The following SNX11 variants were observed in gnomAD, a reference collection of about 807,000 sequenced individuals.
The protein encoded by SNX11 is sorting nexin-11.
In SNX11, 19 loss-of-function variants were observed where a neutral mutation model predicts 30.7. The observed-to-expected ratio is 0.62, with a 90% CI of 0.43 to 0.91. The LOEUF is 0.91. Among genes scored for constraint, SNX11 ranks in the 40% least tolerant of loss-of-function variants. The pLI is 0.00. For missense variants in SNX11, 302 were observed against 326.7 expected (o/e 0.92, Z 0.58); for synonymous variants, 112 against 119.0 (o/e 0.94, Z 0.38).
chr17:48,115,138 T>A (rs1000662923), intron 4 of SNX11, among the ~76,000 whole-genome samples: 12 of 148,478 alleles, frequency 8.1e-5, no homozygotes, highest in Non-Finnish European at 1.5e-4. Context: ...CTCGGCTCAC[T>A]GCTACCTCAG....
chr17:48,113,235 A>G, intron 3 of SNX11, 66 bp from the exon 4 acceptor site: 1 of 1,267,950 alleles, frequency 7.9e-7, no homozygotes, highest in South Asian at 1.2e-5. Context: ...AATGATAGGG[A>G]GCTCATGTGA....
intron 4 of SNX11, among the ~76,000 whole-genome samples, chr17:48,114,107 C>T (rs967425123): frequency 2.7e-5 from 4 of 150,288 alleles, no homozygotes; most frequent in East Asian, 2.0e-4. Context: ...CCACCTGTCT[C>T]GGCCTCCCAA....
At chr17:48,117,211 ACGCCTGG>A (rs1031528536) in intron 4 of SNX11, among the ~76,000 whole-genome samples, 2 of 146,380 alleles carry the variant, frequency 1.4e-5, no homozygotes, top group African/African-American at 5.1e-5. Flanking sequence ...ATGTGCCACC[ACGCCTGG>A]CTAATTATGT....
rs751061507 is a variant in SNX11 at position 48,118,768 on chromosome 17, C to T, written c.295C>T (p.Arg99Ter). 5 of 1,614,000 alleles carry T rather than the reference C, an allele frequency of 3.1e-6. No individual in the cohort carries two copies. Among genetic ancestry groups the T allele is most frequent in the South Asian group, 1.1e-5 (1 of 91,076 alleles). The change falls in exon 5 of 7, where the codon CGA (arginine) becomes TGA (stop). Residue 99 changes from arginine (R) to a stop codon, truncating the protein, a stop_gained. Coordinates refer to ENST00000359238, the MANE Select transcript of SNX11 (RefSeq NM_013323.3). LOFTEE classifies it high-confidence loss of function. Reference sequence around the variant, plus strand: ...CACCTCAGATGAGTTCATTGAGAAGCGACGACAAGGTCTGCAGCACTTCCT... The same window carrying T: ...CACCTCAGATGAGTTCATTGAGAAGTGACGACAAGGTCTGCAGCACTTCCT... ...FGTSDEFIEK[R>*]RQGLQHFLEK...
At chr17:48,117,388 G>T in intron 4 of SNX11, among the ~76,000 whole-genome samples, 1 of 151,884 alleles carries the variant, frequency 6.6e-6, no homozygotes, top group Non-Finnish European at 1.5e-5. Context: ...CCGAGTAGTT[G>T]GGACTACAGG....
chr17:48,121,478 T>G lies in SNX11; in HGVS notation c.783T>G (p.Pro261=). Residue 261 remains proline, a synonymous_variant, in exon 7 of 7, where the codon CCT becomes CCG. Transcript: ENST00000359238. The part of the protein sequence containing the change: ...VGGDHAVPLD[P]GQLETVLEK ...GAGATCATGCTGTGCCTTTGGACCCTGGTCAGTTAGAAACAGTTTTGGAAA... is the reference window on the plus strand; with the variant it reads ...GAGATCATGCTGTGCCTTTGGACCCGGGTCAGTTAGAAACAGTTTTGGAAA... 1.2e-6 allele frequency: 2 copies of G among 1,613,904 alleles called. No homozygotes were observed. Among genetic ancestry groups the G allele is most frequent in the South Asian group, 2.2e-5 (2 of 91,062 alleles).
chr17:48,114,168 CTTT>C (rs34702745), intron 4 of SNX11, among the ~76,000 whole-genome samples: 23 of 126,234 alleles, frequency 1.8e-4, no homozygotes, highest in Non-Finnish European at 1.8e-4. Flanking sequence ...GAAATATGTT[CTTT>C]TTTTTTTTTT....
In SNX11 at chr17:48,118,811, G is replaced by A. The variant is rs1210345386; in HGVS notation, c.326+12G>A. On this transcript the variant is annotated intron_variant, in intron 5 of 6. Coordinates refer to ENST00000359238, the MANE Select transcript of SNX11 (RefSeq NM_013323.3). ...CACTTCCTTGAAAAGTGAGTGGACA[G>A]AACGGCTGGTGCTGGCCACCAAGGG... 6.2e-7 allele frequency: 1 copy of A among 1,610,974 alleles called. No individual in the cohort carries two copies.
chr17:48,111,988 G>C, intron 1 of SNX11, 43 bp from the exon 2 acceptor site: 1 of 1,479,110 alleles, frequency 6.8e-7, no homozygotes, highest in Non-Finnish European at 9.5e-7. Context: ...GATAAGAACA[G>C]AGGCATACTA....
chr17:48,119,923 C>G (rs1440217606), intron 6 of SNX11, among the ~76,000 whole-genome samples: 2 of 152,088 alleles, frequency 1.3e-5, no homozygotes, highest in Non-Finnish European at 2.9e-5. Context: ...CCTGTCCTTC[C>G]CTCCCCCCCA....
At chr17:48,111,781 C>T (rs1322332582) in intron 1 of SNX11, among the ~76,000 whole-genome samples, 2 of 152,090 alleles carry the variant, frequency 1.3e-5, no homozygotes, top group Admixed American at 1.3e-4. Context: ...GACTCCAACA[C>T]GCTTTGGGGA....
At chr17:48,116,407 G>C (rs781118961) in intron 4 of SNX11, among the ~76,000 whole-genome samples, 3 of 151,982 alleles carry the variant, frequency 2.0e-5, no homozygotes, top group Non-Finnish European at 4.4e-5. Context: ...TGTAGAGAAA[G>C]GTCTCACTTT....
chr17:48,120,340 G>A (rs1239224568), intron 6 of SNX11, among the ~76,000 whole-genome samples: 1 of 150,628 alleles, frequency 6.6e-6, no homozygotes, highest in Non-Finnish European at 1.5e-5. Flanking sequence ...CCTAGTAGCT[G>A]GGATTACAGG....
intron 4 of SNX11, among the ~76,000 whole-genome samples, chr17:48,116,104 AAAAAACTAG>A: frequency 6.6e-6 from 1 of 152,034 alleles, no homozygotes; most frequent in Middle Eastern, 3.4e-3. Flanking sequence ...CTAAAAATAC[AAAAAACTAG>A]CCGGGTGTGG....
chr17:48,108,615 G>A (rs190010425), intron 1 of SNX11, among the ~76,000 whole-genome samples: 1 of 152,334 alleles, frequency 6.6e-6, no homozygotes, highest in Non-Finnish European at 1.5e-5. Context: ...AAACAATCGG[G>A]TACTCACCAG....
rs769244222 is a variant in SNX11, at chr17:48,112,660, T to C, written c.129T>C (p.His43=). 6.2e-7 allele frequency: 1 copy of C among 1,604,844 alleles called. No individual in the cohort carries two copies. The highest frequency in any genetic ancestry group is 1.7e-5 in the Admixed American group (1 of 59,954). ...ATGTGGATTATAAGATATTCCTCCA[T>C]GTGAGTACATCAAGCTTCTGTATTG... is the stretch of plus-strand genomic sequence containing the variant. The part of the protein sequence containing the change: ...NSYVDYKIFL[H]TNSKAFTAKT... Residue 43 remains histidine, a splice_region_variant and synonymous_variant, in exon 3 of 7, where the codon CAT becomes CAC. Transcript: ENST00000359238.
Position 48,121,805 on chromosome 17 carries a change from C to A in SNX11, c.*297C>A, listed in dbSNP as rs1160048932. On this transcript the variant is annotated 3_prime_UTR_variant, in exon 7 of 7. Coordinates refer to ENST00000359238, the MANE Select transcript of SNX11 (RefSeq NM_013323.3). Reference sequence around the variant, plus strand: ...TTCTGCAGGTCATTTGTATGTAGGACCAGGAGTATCTCCTCAGGTGACCAG... The same window carrying A: ...TTCTGCAGGTCATTTGTATGTAGGAACAGGAGTATCTCCTCAGGTGACCAG... The A allele has an allele frequency of 2.9e-6, 1 of 346,722 alleles. No individual in the cohort carries two copies. Among genetic ancestry groups the A allele is most frequent in the Non-Finnish European group, 5.3e-6 (1 of 187,308 alleles). The allele number at this position is 346,722 out of a possible 1,614,324, so 21.5% of individuals were successfully genotyped here.
At position 48,118,954 on chromosome 17, in the gene SNX11, G is replaced by A; in HGVS notation, c.327-20G>A. The A allele has an allele frequency of 6.2e-7, 1 of 1,611,456 alleles. No individual in the cohort carries two copies. The highest frequency in any genetic ancestry group is 8.5e-7 in the Non-Finnish European group (1 of 1,177,870). On this transcript the variant is annotated intron_variant, in intron 5 of 6. Coordinates refer to ENST00000359238, the MANE Select transcript of SNX11 (RefSeq NM_013323.3). Reference sequence around the variant, plus strand: ...TCCTCAGGGTGATGCTCTGTGTTGTGCTACCTGTGTTTTTCCCAGGGTCCT... The same window carrying A: ...TCCTCAGGGTGATGCTCTGTGTTGTACTACCTGTGTTTTTCCCAGGGTCCT...
chr17:48,111,646 T>TC (rs1301829998), intron 1 of SNX11, among the ~76,000 whole-genome samples: 1 of 40,566 alleles, frequency 2.5e-5, no homozygotes, highest in Admixed American at 3.0e-4. Flanking sequence ...AAACTCTGCC[T>TC]CAAAAAAAAA....
Sources: allele counts gnomAD v4.1 joint callset (sites outside exome capture counted in the v4.1 genomes callset), GRCh38; gene constraint gnomAD v4.1.1; transcripts MANE v1.5; gene names NCBI Gene and HGNC (gene_info 2026-07-23, HGNC 2026-07-21).